Variants in ERC1 observed in about 807,000 individuals in gnomAD.
ERC1 encodes ELKS/RAB6-interacting/CAST family member 1, also known as RAB6 interacting protein 2.
In ERC1, 56 loss-of-function variants were observed where a neutral mutation model predicts 132.0. The observed-to-expected ratio is 0.42, with a 90% CI of 0.34 to 0.53. The LOEUF is 0.53. Among genes scored for constraint, ERC1 ranks in the 20% least tolerant of loss-of-function variants. The probability of loss-of-function intolerance (pLI) is 0.03; values close to 1 mark genes in which losing one functional copy is unlikely to be tolerated. For missense variants in ERC1, 1,202 were observed against 1,349.9 expected, an observed-to-expected ratio of 0.89 and a Z score of 1.72; for synonymous variants, 478 against 476.1, an observed-to-expected ratio of 1.00 and a Z score of -0.05.
Position 1,313,782 on chromosome 12 carries a change from C to T in ERC1, c.2780+23770C>T, listed in dbSNP as rs186959332. Among the ~76,000 whole-genome samples the T allele has an allele frequency of 3.4e-3, 519 of 151,956 alleles. 2 individuals are homozygous for T. The highest frequency in any genetic ancestry group is 0.012 in the African/African-American group (489 of 41,452). On this transcript the variant is annotated intron_variant, in intron 15 of 18. Transcript: ENST00000360905. ...GGCGGATCCCCTGAGGTCGGGAGTT[C>T]GAGACCAGCCTGGCCAACATGGTGA...
intron 3 of ERC1, among the ~76,000 whole-genome samples, chr12:1,101,232 A>C (rs1314147760): frequency 6.6e-6 from 1 of 152,220 alleles, no homozygotes; most frequent in African/African-American, 2.4e-5. Flanking sequence ...CCTGGAGTGC[A>C]TAAATGGGAT....
intron 8 of ERC1, among the ~76,000 whole-genome samples, chr12:1,143,970 T>C (rs1006319776): frequency 3.3e-5 from 5 of 152,154 alleles, no homozygotes; most frequent in African/African-American, 1.2e-4. Context: ...TGGATTTTTT[T>C]TTAGTTTATT....
At chr12:1,428,006 G>A (rs568079859) in intron 17 of ERC1, among the ~76,000 whole-genome samples, 3 of 152,264 alleles carry the variant, frequency 2.0e-5, no homozygotes, top group South Asian at 2.1e-4. Flanking sequence ...GGTGGCATTT[G>A]TCCTGGGACT....
chr12:1,042,101 G>T (rs1327282823), intron 2 of ERC1, among the ~76,000 whole-genome samples: 1 of 151,970 alleles, frequency 6.6e-6, no homozygotes, highest in Non-Finnish European at 1.5e-5. Flanking sequence ...GCAGTGGTGT[G>T]ATCTCCGCTC....
intron 14 of ERC1, among the ~76,000 whole-genome samples, chr12:1,277,372 G>A (rs1220744318): frequency 6.6e-6 from 1 of 152,110 alleles, no homozygotes; most frequent in South Asian, 2.1e-4. Context: ...TGATGCTTCT[G>A]ATCATCACTG....
At chr12:1,354,149 T>C (rs143288286) in intron 15 of ERC1, among the ~76,000 whole-genome samples, 39 of 152,182 alleles carry the variant, frequency 2.6e-4, no homozygotes, top group Middle Eastern at 3.4e-3. Flanking sequence ...TAGTCTTTAA[T>C]CGGGTCCTGA....
chr12:1,191,255 C>T (rs1260079633), intron 12 of ERC1, among the ~76,000 whole-genome samples: 3 of 152,064 alleles, frequency 2.0e-5, no homozygotes, highest in Non-Finnish European at 4.4e-5. Context: ...AGATTATGTA[C>T]ATTTTTTATG....
intron 8 of ERC1, among the ~76,000 whole-genome samples, chr12:1,147,894 G>A (rs887428964): frequency 6.6e-6 from 1 of 152,102 alleles, no homozygotes; most frequent in Non-Finnish European, 1.5e-5. Context: ...CTTTCATTAG[G>A]TCATAAGTGT....
chr12:1,324,093 T>C (rs564112884), intron 15 of ERC1, among the ~76,000 whole-genome samples: 53 of 152,278 alleles, frequency 3.5e-4, no homozygotes, highest in Non-Finnish European at 5.9e-5. Flanking sequence ...GAGGAATATC[T>C]AATGTCAGTC....
intron 15 of ERC1, among the ~76,000 whole-genome samples, chr12:1,343,198 C>T (rs1187017883): frequency 6.6e-6 from 1 of 152,132 alleles, no homozygotes; most frequent in Non-Finnish European, 1.5e-5. Flanking sequence ...CCAGCAGAGC[C>T]CTGTGCAAAC....
chr12:1,139,748 C>CTTAAT (rs761549583), intron 7 of ERC1, among the ~76,000 whole-genome samples: 18 of 149,232 alleles, frequency 1.2e-4, no homozygotes, highest in Non-Finnish European at 2.2e-4. Flanking sequence ...GAAATCATTG[C>CTTAAT]TTAAGCTGGG....
At chr12:1,094,989 A>C (rs1465785590) in intron 3 of ERC1, among the ~76,000 whole-genome samples, 2 of 152,148 alleles carry the variant, frequency 1.3e-5, no homozygotes, top group African/African-American at 4.8e-5. Context: ...CCTTGAACCA[A>C]GGGTGCTGAG....
chr12:1,204,507 C>G, intron 12 of ERC1: 1 of 1,589,308 alleles, frequency 6.3e-7, no homozygotes, highest in Non-Finnish European at 8.5e-7. Context: ...TCAGTCTCAC[C>G]TCAAGGTCAG....
chr12:1,236,870 A>G lies in ERC1; in HGVS notation c.2453A>G (p.Glu818Gly). 1 of 1,614,150 alleles carries G rather than the reference A, an allele frequency of 6.2e-7. No individual in the cohort carries two copies. Among genetic ancestry groups the G allele is most frequent in the Non-Finnish European group, 8.5e-7 (1 of 1,179,986 alleles). Residue 818 changes from glutamate to glycine, a missense_variant, in exon 13 of 19, where the codon GAG becomes GGG. Transcript: ENST00000360905. Reference sequence around the variant, plus strand: ...ATGTTAGAGGAGGCGCGACGACGGGAGGACAATCTCAACGACAGCTCTCAG... The same window carrying G: ...ATGTTAGAGGAGGCGCGACGACGGGGGGACAATCTCAACGACAGCTCTCAG... ...AQMLEEARRR[E>G]DNLNDSSQQL...
intron 8 of ERC1, among the ~76,000 whole-genome samples, chr12:1,177,140 G>T (rs1213010044): frequency 3.9e-5 from 6 of 152,140 alleles, no homozygotes; most frequent in African/African-American, 1.4e-4. Flanking sequence ...CCTTGTTCTG[G>T]ATTAGGCTTT....
chr12:1,487,372 ATTTTTTTTTTTTTTTT>A lies in ERC1; in HGVS notation c.3214-2708_3214-2693del, dbSNP rs574707385. ...CTGTCTTATGGTGCCAAGCATCTAGATTTTTTTTTTTTTTTTTTTTTTTTTTTTGCCTGTTTTAAGA... is the reference window on the plus strand; with the variant it reads ...CTGTCTTATGGTGCCAAGCATCTAGATTTTTTTTTTTTGCCTGTTTTAAGA... On this transcript the variant is annotated intron_variant, in intron 18 of 18. Coordinates refer to ENST00000360905, the MANE Select transcript of ERC1 (RefSeq NM_178040.4). Among the ~76,000 whole-genome samples, 11 of 57,924 alleles carry A rather than the reference ATTTTTTTTTTTTTTTT, an allele frequency of 1.9e-4. No homozygotes were observed. The East Asian group carries it at 5.8e-3, about 31-fold the overall frequency. The allele number at this position is 57,924 out of a possible 152,430, so 38.0% of individuals were successfully genotyped here.
At chr12:1,208,682 G>A (rs1006242938) in intron 12 of ERC1, among the ~76,000 whole-genome samples, 3 of 152,146 alleles carry the variant, frequency 2.0e-5, no homozygotes, top group Admixed American at 1.3e-4. Flanking sequence ...AGCTGTTGGC[G>A]TGTTCCAGTT....
At chr12:1,438,952 A>ATATATATATATATATATATATATAT (rs1555093159) in intron 17 of ERC1, among the ~76,000 whole-genome samples, 10 of 114,958 alleles carry the variant, frequency 8.7e-5, no homozygotes, top group African/African-American at 3.7e-4. Flanking sequence ...AATTTAAAAA[A>ATATATATATATATATATATATATAT]AAATATATAT....
intron 15 of ERC1, among the ~76,000 whole-genome samples, chr12:1,346,248 G>A (rs2084441075): frequency 6.6e-6 from 1 of 152,160 alleles, no homozygotes; most frequent in Admixed American, 6.5e-5. Flanking sequence ...GATCGTCTGT[G>A]AAATTCTTTA....
Sources: allele counts gnomAD v4.1 joint callset (sites outside exome capture counted in the v4.1 genomes callset), GRCh38; gene constraint gnomAD v4.1.1; transcripts MANE v1.5; gene names NCBI Gene and HGNC (gene_info 2026-07-23, HGNC 2026-07-21).